LARGE1: variants seen among roughly 807,000 people sequenced by gnomAD.
The protein encoded by LARGE1 is xylosyl- and glucuronyltransferase LARGE1.
LARGE1 carries 43 observed loss-of-function variants against 87.6 expected under a neutral mutation model. The observed-to-expected ratio is 0.49, with a 90% CI of 0.38 to 0.63. The LOEUF (loss-of-function observed/expected upper bound fraction) is 0.63, where lower values mean the gene tolerates loss of function less well. LARGE1 is among the 30% of genes least tolerant of loss of function. The pLI is 0.00. For missense variants in LARGE1, 802 were observed against 1,000.2 expected (o/e 0.80, Z 2.67); for synonymous variants, 434 against 394.6 (o/e 1.10, Z -1.18).
At chr22:33,538,425 A>G (rs1176730511) in intron 6 of LARGE1, among the ~76,000 whole-genome samples, 1 of 152,208 alleles carries the variant, frequency 6.6e-6, no homozygotes, top group Non-Finnish European at 1.5e-5. Context: ...CCTGGCACAT[A>G]GTAGGCATAT....
chr22:33,180,814 C>T (rs1923121312), intron 11 of LARGE1, among the ~76,000 whole-genome samples: 1 of 152,102 alleles, frequency 6.6e-6, no homozygotes, highest in Admixed American at 6.5e-5. Context: ...ATGAAAGAAG[C>T]CTATTACAAA....
chr22:33,437,529 C>T (rs553996019), intron 6 of LARGE1, among the ~76,000 whole-genome samples: 3 of 152,182 alleles, frequency 2.0e-5, no homozygotes, highest in South Asian at 4.1e-4. Flanking sequence ...TGTGCTTATT[C>T]AAACATTACC....
chr22:33,705,226 A>G (rs1455119034), intron 2 of LARGE1, among the ~76,000 whole-genome samples: 1 of 152,186 alleles, frequency 6.6e-6, no homozygotes, highest in Non-Finnish European at 1.5e-5. Flanking sequence ...TGAAGCCTCA[A>G]TTTTGAGCTG....
chr22:33,083,888 C>T, the LARGE1 span, among the ~76,000 whole-genome samples: 1 of 152,168 alleles, frequency 6.6e-6, no homozygotes, highest in Non-Finnish European at 1.5e-5. Flanking sequence ...TGCCTGAGTG[C>T]TCTACTTAAA....
intron 2 of LARGE1, among the ~76,000 whole-genome samples, chr22:33,719,668 C>A (rs2083029378): frequency 6.6e-6 from 1 of 151,902 alleles, no homozygotes; most frequent in Non-Finnish European, 1.5e-5. Context: ...CTACAGGTGC[C>A]CACCACAACG....
intron 6 of LARGE1, among the ~76,000 whole-genome samples, chr22:33,497,765 T>C (rs180987175): frequency 1.3e-5 from 2 of 152,362 alleles, no homozygotes; most frequent in East Asian, 1.9e-4. Flanking sequence ...ATGCTAACGA[T>C]AACAATCATA....
At chr22:33,514,587 T>C (rs1057498067) in intron 6 of LARGE1, among the ~76,000 whole-genome samples, 12 of 152,208 alleles carry the variant, frequency 7.9e-5, no homozygotes, top group African/African-American at 2.9e-4. Flanking sequence ...GCAGGAGATG[T>C]GCATAGATTG....
At chr22:33,502,195 TAA>T (rs35022342) in intron 6 of LARGE1, among the ~76,000 whole-genome samples, 6,948 of 140,822 alleles carry the variant, frequency 0.049, 208 homozygotes, top group Non-Finnish European at 0.065. Flanking sequence ...GACCCCATCT[TAA>T]AAAAAAAAAA....
At chr22:33,116,875 T>C in the LARGE1 span, among the ~76,000 whole-genome samples, 1 of 152,190 alleles carries the variant, frequency 6.6e-6, no homozygotes, top group Non-Finnish European at 1.5e-5. Flanking sequence ...TAGCACGGGA[T>C]TTAAAACAGA....
At chr22:33,799,854 A>G (rs898693938) in intron 1 of LARGE1, among the ~76,000 whole-genome samples, 24 of 152,212 alleles carry the variant, frequency 1.6e-4, no homozygotes, top group African/African-American at 5.3e-4. Flanking sequence ...GAATGAAAAT[A>G]CAGACCTCTC....
chr22:33,487,187 T>TC (rs2069625813), intron 6 of LARGE1, among the ~76,000 whole-genome samples: 1 of 152,200 alleles, frequency 6.6e-6, no homozygotes, highest in Non-Finnish European at 1.5e-5. Context: ...ATTCACCTGT[T>TC]CATCCATCTG....
In LARGE1 at chr22:33,785,264, T is replaced by C. The variant is rs142849768; in HGVS notation, c.-82-23706A>G. 2.3e-3 allele frequency among the ~76,000 whole-genome samples: 353 copies of C among 151,870 alleles called. 3 individuals are homozygous for C. The highest frequency in any genetic ancestry group is 8.0e-3 in the African/African-American group (330 of 41,278). On this transcript the variant is annotated intron_variant, in intron 1 of 14. Coordinates refer to ENST00000397394, the MANE Select transcript of LARGE1 (RefSeq NM_133642.5). ...ATATGTGTATATATGCATGTGTATA[T>C]GTGCATATGTGTATATATACGTATA... is the stretch of plus-strand genomic sequence containing the variant.
intron 6 of LARGE1, among the ~76,000 whole-genome samples, chr22:33,448,827 G>A (rs1330837335): frequency 6.7e-6 from 1 of 149,464 alleles, no homozygotes; most frequent in African/African-American, 2.6e-5. Flanking sequence ...GCAGTCATGG[G>A]TAGTGCACCA....
At chr22:33,746,363 T>C (rs1358393065) in intron 2 of LARGE1, 6 of 152,230 alleles carry the variant, frequency 3.9e-5, no homozygotes, top group Non-Finnish European at 7.3e-5. Flanking sequence ...GTAACTAATA[T>C]TATTTTTATT....
chr22:33,316,345 C>T, intron 10 of LARGE1, 97 bp from the exon 11 acceptor site: 2 of 1,197,902 alleles, frequency 1.7e-6, no homozygotes, highest in East Asian at 2.5e-5. Context: ...GAGTTTATTA[C>T]CCATCAGGAC....
At position 33,494,628 on chromosome 22, in the gene LARGE1, T is replaced by G. The variant is rs565749629; in HGVS notation, c.788-62363A>C. On this transcript the variant is annotated intron_variant, in intron 6 of 14. Transcript: ENST00000397394. ...TTCCCACCAATTTTCCCAACTGATA[T>G]TCACAACTACCCTAACAGGTAGGCA... is the stretch of plus-strand genomic sequence containing the variant. Among the ~76,000 whole-genome samples the G allele has an allele frequency of 5.9e-5, 9 of 152,330 alleles. 1 individual carries two copies. The South Asian group carries it at 1.9e-3, about 32-fold the overall frequency.
At chr22:33,328,710 G>A (rs1937457711) in intron 10 of LARGE1, among the ~76,000 whole-genome samples, 1 of 152,066 alleles carries the variant, frequency 6.6e-6, no homozygotes, top group South Asian at 2.1e-4. Flanking sequence ...TAGGAGAATT[G>A]TGGAATAACC....
At chr22:33,503,242 CTTTTTTTTTTTTTTTTG>C (rs1455604457) in intron 6 of LARGE1, among the ~76,000 whole-genome samples, 53 of 142,858 alleles carry the variant, frequency 3.7e-4, no homozygotes, top group African/African-American at 1.3e-3. Flanking sequence ...AGGAGTTCCC[CTTTTTTTTTTTTTTTTG>C]TTTTTTTTTT....
intron 7 of LARGE1, among the ~76,000 whole-genome samples, chr22:33,394,739 G>GTGTA (rs1191801240): frequency 1.4e-5 from 2 of 139,584 alleles, no homozygotes; most frequent in Non-Finnish European, 3.0e-5. Context: ...GTGTGTGTGT[G>GTGTA]TGTGTATGTG....
Sources: allele counts gnomAD v4.1 joint callset (sites outside exome capture counted in the v4.1 genomes callset), GRCh38; gene constraint gnomAD v4.1.1; transcripts MANE v1.5; gene names NCBI Gene and HGNC (gene_info 2026-07-23, HGNC 2026-07-21).